The following PCDH15 variants were observed in gnomAD, a reference collection of about 807,000 sequenced individuals.
The protein encoded by PCDH15 is protocadherin-15.
Under a neutral mutation model 178.5 loss-of-function variants are expected in PCDH15, and 129 were observed. The observed-to-expected ratio is 0.72, with a 90% CI of 0.63 to 0.84. PCDH15 has a LOEUF of 0.84. Among genes scored for constraint, PCDH15 ranks in the 40% least tolerant of loss-of-function variants. The probability of loss-of-function intolerance (pLI) is 0.00; values close to 1 mark genes in which losing one functional copy is unlikely to be tolerated. For missense variants in PCDH15, 2,230 were observed against 2,099.9 expected (o/e 1.06, Z -1.21); for synonymous variants, 800 against 732.0 (o/e 1.09, Z -1.50).
chr10:54,995,698 G>A (rs116159854), intron 2 of PCDH15, among the ~76,000 whole-genome samples: 143 of 148,756 alleles, frequency 9.6e-4, no homozygotes, highest in African/African-American at 3.4e-3. Flanking sequence ...TTGTCTTATT[G>A]AGTTCCTTTC....
At chr10:54,462,313 TAA>T (rs113606274) in intron 3 of PCDH15, among the ~76,000 whole-genome samples, 31,209 of 151,010 alleles carry the variant, frequency 0.21, 3,998 homozygotes, top group African/African-American at 0.37. Flanking sequence ...TATATATATA[TAA>T]AATGAAATCC....
chr10:54,187,586 C>T (rs1388445801), intron 11 of PCDH15, among the ~76,000 whole-genome samples: 1 of 151,848 alleles, frequency 6.6e-6, no homozygotes, highest in African/African-American at 2.4e-5. Flanking sequence ...GTTAATTTAA[C>T]TGTCTCAGTT....
intron 2 of PCDH15, among the ~76,000 whole-genome samples, chr10:55,575,422 T>C (rs981963537): frequency 1.4e-4 from 22 of 152,306 alleles, no homozygotes; most frequent in Middle Eastern, 3.4e-3. Context: ...TTCAAAAGTC[T>C]ATTTTCCAAT....
At chr10:54,419,426 C>T (rs1354749454) in intron 3 of PCDH15, among the ~76,000 whole-genome samples, 1 of 152,042 alleles carries the variant, frequency 6.6e-6, no homozygotes, top group Non-Finnish European at 1.5e-5. Flanking sequence ...TTTATTTCTG[C>T]TTTCAAGCCC....
intron 22 of PCDH15, 73 bp downstream of exon 22, chr10:53,961,679 G>A (rs1487039208): frequency 1.8e-6 from 2 of 1,139,526 alleles, no homozygotes; most frequent in African/African-American, 1.6e-5. Flanking sequence ...AAAATGTGCT[G>A]TCATCTGTTA....
At position 54,298,343 on chromosome 10, in the gene PCDH15, G is replaced by T. The variant is rs985032975; in HGVS notation, c.876+18928C>A. On this transcript the variant is annotated intron_variant, in intron 8 of 37. Coordinates refer to ENST00000644397, the MANE Select transcript of PCDH15 (RefSeq NM_001384140.1). ...AGGCATTATTAAACCTGGCAACCTTGGTGTTCTATAATAGGGACCAAGAGG... is the reference window on the plus strand; with the variant it reads ...AGGCATTATTAAACCTGGCAACCTTTGTGTTCTATAATAGGGACCAAGAGG... Among the ~76,000 whole-genome samples the T allele has an allele frequency of 2.6e-5, 4 of 152,218 alleles. No homozygotes were observed. In the South Asian group the frequency reaches 6.2e-4, roughly 24 times the overall value.
intron 2 of PCDH15, among the ~76,000 whole-genome samples, chr10:54,927,941 G>A (rs573821112): frequency 1.2e-4 from 19 of 152,064 alleles, no homozygotes; most frequent in Admixed American, 1.1e-3. Flanking sequence ...ATACATTCAA[G>A]GTTAATATTG....
chr10:54,562,536 C>T (rs2088334099), intron 2 of PCDH15, among the ~76,000 whole-genome samples: 1 of 152,110 alleles, frequency 6.6e-6, no homozygotes, highest in South Asian at 2.1e-4. Context: ...CACCTCATCT[C>T]TTACATATGA....
chr10:54,795,954 A>ATGTATGTGAATTACATCCTTTT (rs1368034973), intron 1 of PCDH15, among the ~76,000 whole-genome samples: 4 of 151,892 alleles, frequency 2.6e-5, no homozygotes, highest in African/African-American at 9.7e-5. Flanking sequence ...TGCATGCTTT[A>ATGTATGTGAATTACATCCTTTT]TGTATGTGAA....
intron 10 of PCDH15, among the ~76,000 whole-genome samples, chr10:54,196,754 G>C (rs920950408): frequency 1.3e-5 from 2 of 152,134 alleles, no homozygotes; most frequent in Admixed American, 6.5e-5. Context: ...GGTGAGGGCA[G>C]AGCCCTCATT....
chr10:54,775,439 A>ATT (rs1340434505), intron 1 of PCDH15, among the ~76,000 whole-genome samples: 1 of 152,204 alleles, frequency 6.6e-6, no homozygotes, highest in African/African-American at 2.4e-5. Flanking sequence ...GATCAGGGTA[A>ATT]TTAGCATATC....
At chr10:53,848,848 T>G (rs2078151192) in intron 28 of PCDH15, among the ~76,000 whole-genome samples, 1 of 152,072 alleles carries the variant, frequency 6.6e-6, no homozygotes, top group Non-Finnish European at 1.5e-5. Flanking sequence ...ACAAAATAGT[T>G]TCCCCAAAAT....
chr10:55,459,241 A>AAAGAAAAAAG, intron 2 of PCDH15, among the ~76,000 whole-genome samples: 1 of 134,228 alleles, frequency 7.5e-6, no homozygotes, highest in Admixed American at 7.6e-5. Context: ...GCAAAAAAAA[A>AAAGAAAAAAG]AAAGAAGGAA....
chr10:54,072,931 A>AC, intron 17 of PCDH15, among the ~76,000 whole-genome samples: 1 of 152,322 alleles, frequency 6.6e-6, no homozygotes, highest in Middle Eastern at 3.4e-3. Context: ...GTGAGTATTT[A>AC]TATTGTCTTA....
At chr10:54,505,809 C>A (rs1220877581) in intron 3 of PCDH15, among the ~76,000 whole-genome samples, 1 of 151,962 alleles carries the variant, frequency 6.6e-6, no homozygotes, top group African/African-American at 2.4e-5. Flanking sequence ...GAAAAAAAGA[C>A]CAAAGACGTT....
At chr10:54,202,119 T>C (rs1331833806) in intron 10 of PCDH15, among the ~76,000 whole-genome samples, 1 of 152,224 alleles carries the variant, frequency 6.6e-6, no homozygotes, top group Non-Finnish European at 1.5e-5. Flanking sequence ...TCTTAACACA[T>C]GGCTTAGATA....
intron 2 of PCDH15, among the ~76,000 whole-genome samples, chr10:54,616,571 T>C (rs1278710766): frequency 6.6e-6 from 1 of 152,054 alleles, no homozygotes; most frequent in Non-Finnish European, 1.5e-5. Flanking sequence ...ATCAAATATT[T>C]TTGGTTGGGT....
intron 1 of PCDH15, among the ~76,000 whole-genome samples, chr10:55,306,856 C>G (rs1395487075): frequency 6.6e-6 from 1 of 152,144 alleles, no homozygotes; most frequent in East Asian, 1.9e-4. Flanking sequence ...GGCAAAGTTC[C>G]AATGGCAAAA....
At chr10:54,871,728 A>G (rs1954044971) in intron 3 of PCDH15, among the ~76,000 whole-genome samples, 1 of 152,048 alleles carries the variant, frequency 6.6e-6, no homozygotes, top group Non-Finnish European at 1.5e-5. Context: ...CTCATAAATT[A>G]TTTTTGTTCA....
Sources: gnomAD v4.1 joint callset for allele counts (sites outside exome capture counted in the v4.1 genomes callset) on GRCh38, gnomAD v4.1.1 for gene constraint, MANE v1.5 for transcripts, NCBI Gene and HGNC (gene_info 2026-07-23, HGNC 2026-07-21) for gene names.